Variants in DBNL observed in about 807,000 individuals in gnomAD.
The protein encoded by DBNL is drebrin-like protein.
A neutral mutation model predicts 62.2 loss-of-function variants in DBNL; 35 were observed. The observed-to-expected ratio is 0.56, with a 90% CI of 0.43 to 0.75. The LOEUF (loss-of-function observed/expected upper bound fraction) is 0.75, where lower values mean the gene tolerates loss of function less well. Ranked by LOEUF, DBNL falls within the 30% of genes least tolerant of loss-of-function variation. The pLI, the probability that DBNL is intolerant of heterozygous loss-of-function variation, is 0.00. For missense variants in DBNL, 495 were observed against 578.4 expected (o/e 0.86, Z 1.48); for synonymous variants, 197 against 218.0 (o/e 0.90, Z 0.85).
chr7:44,060,829 G>C lies in DBNL; in HGVS notation c.1206G>C (p.Glu402Asp). 1 of 1,614,124 alleles carries C rather than the reference G, an allele frequency of 6.2e-7. No individual in the cohort carries two copies. Among genetic ancestry groups the C allele is most frequent in the Non-Finnish European group, 8.5e-7 (1 of 1,180,010 alleles). ...FDPENLITGI[E>D]VIDEGWWRGY... ...CCGAGAACCTCATCACGGGCATCGA[G>C]GTGATCGACGAAGGCTGGTGGCGTG... Residue 402 changes from glutamate (E) to aspartate (D), a missense_variant, in exon 13 of 13, where the codon GAG becomes GAC. Coordinates refer to ENST00000448521, the MANE Select transcript of DBNL (RefSeq NM_001014436.3). This position sits in a 1 kb window ranked among gnomAD's most constrained non-coding sequence, Gnocchi z 6.3.
rs2096142620 is a variant in DBNL, at chr7:44,058,983, G to A, written c.835G>A (p.Gly279Ser). 6.2e-7 allele frequency: 1 copy of A among 1,613,818 alleles called. No homozygotes were observed. Among genetic ancestry groups the A allele is most frequent in the Admixed American group, 1.7e-5 (1 of 59,992 alleles). Reference sequence around the variant, plus strand: ...CACCTCCATCTCCAGTCCTCAGCCTGGTGAGCTCTCCCTTTGGGCCTGGCC... The same window carrying A: ...CACCTCCATCTCCAGTCCTCAGCCTAGTGAGCTCTCCCTTTGGGCCTGGCC... ...STTSISSPQP[G>S]KLRSPFLQKQ... Residue 279 changes from glycine (G) to serine (S), a missense_variant and splice_region_variant, in exon 9 of 13, where the codon GGC becomes AGC. Coordinates refer to ENST00000448521, the MANE Select transcript of DBNL (RefSeq NM_001014436.3).
chr7:44,057,827 G>A lies in DBNL; in HGVS notation c.520G>A (p.Val174Ile). 1.2e-6 allele frequency: 2 copies of A among 1,614,222 alleles called. No individual in the cohort carries two copies. The highest frequency in any genetic ancestry group is 1.7e-6 in the Non-Finnish European group (2 of 1,180,042). The change falls in exon 6 of 13, where the codon GTT becomes ATT. Residue 174 changes from valine to isoleucine, a missense_variant. Transcript: ENST00000448521. ...CAATGCCGTGTCTGAGATTAAAAGG[G>A]TTGGTAAAGACAGCTTCTGGGCCAA... Reference protein sequence around the residue: ...KTNAVSEIKRVGKDSFWAKAE... With the variant: ...KTNAVSEIKRIGKDSFWAKAE...
In DBNL at chr7:44,062,871, C is replaced by T; in HGVS notation, c.*1955C>T. 1 of 1,614,238 alleles carries T rather than the reference C, an allele frequency of 6.2e-7. No individual in the cohort carries two copies. The highest frequency in any genetic ancestry group is 1.1e-5 in the South Asian group (1 of 91,090). ...GTGGGCTTCAGCTCCTTGTTCAGCT[C>T]ATACACAATGGGGATCCCCGTGGGC... On this transcript the variant is annotated 3_prime_UTR_variant, in exon 13 of 13. Transcript: ENST00000448521.
In DBNL at chr7:44,065,161, C is replaced by A; in HGVS notation, c.*4245C>A. On this transcript the variant is annotated 3_prime_UTR_variant, in exon 13 of 13. Coordinates refer to ENST00000448521, the MANE Select transcript of DBNL (RefSeq NM_001014436.3). Reference sequence around the variant, plus strand: ...AGGGGTGCTTCTCGTCCATCGGGGGCGGCGGGATGTCGAAGGAGCGCCTCC... The same window carrying A: ...AGGGGTGCTTCTCGTCCATCGGGGGAGGCGGGATGTCGAAGGAGCGCCTCC... The A allele has an allele frequency of 1.9e-6, 3 of 1,614,066 alleles. No homozygotes were observed. Among genetic ancestry groups the A allele is most frequent in the South Asian group, 2.2e-5 (2 of 91,090 alleles).
rs1293268238 is a variant in DBNL, at chr7:44,068,759, T to C, written c.*7843T>C. ...CAAAGCATGGAGTCCATAAATTAGA[T>C]GATAGTTTGGAAAAAGATATAAACT... On this transcript the variant is annotated 3_prime_UTR_variant, in exon 13 of 13. Transcript: ENST00000448521. The C allele has an allele frequency of 6.6e-6, 1 of 152,192 alleles. No homozygotes were observed. The highest frequency in any genetic ancestry group is 1.9e-4 in the East Asian group (1 of 5,202). The allele number at this position is 152,192 out of a possible 1,614,324, so 9.4% of individuals were successfully genotyped here.
chr7:44,059,054 C>T lies in DBNL; in HGVS notation c.835+71C>T, dbSNP rs1467085190. 1 of 1,527,514 alleles carries T rather than the reference C, an allele frequency of 6.5e-7. No individual in the cohort carries two copies. The highest frequency in any genetic ancestry group is 1.7e-5 in the Admixed American group (1 of 58,280). 94.6% of individuals were successfully genotyped at this position (1,527,514 alleles called of 1,614,324 possible). ...GGGGGAGCCTGGGGTCCTATGTGGG[C>T]TCCCCCAAGGCTAGTGACAGATATA... is the stretch of plus-strand genomic sequence containing the variant. On this transcript the variant is annotated intron_variant, in intron 9 of 12. Transcript: ENST00000448521. The surrounding 1 kb of genome is among the most constrained non-coding windows in gnomAD (Gnocchi z 4.1).
chr7:44,052,962 C>T, intron 4 of DBNL, 21 bp downstream of exon 4: 1 of 1,607,940 alleles, frequency 6.2e-7, no homozygotes, highest in Non-Finnish European at 8.5e-7. Flanking sequence ...GTGAGGCCCG[C>T]TTCACTGGGA....
intron 8 of DBNL, 41 bp downstream of exon 8, chr7:44,058,521 C>G: frequency 6.2e-7 from 1 of 1,610,208 alleles, no homozygotes; most frequent in Middle Eastern, 1.7e-4. Context: ...CTGTCCTGGC[C>G]ACACGCAGAA....
Position 44,052,918 on chromosome 7 carries a change from A to G in DBNL, c.304A>G (p.Ser102Gly). 2 of 1,613,736 alleles carry G rather than the reference A, an allele frequency of 1.2e-6. No individual in the cohort carries two copies. The highest frequency in any genetic ancestry group is 2.7e-5 in the African/African-American group (2 of 75,070). Reference protein sequence around the residue: ...VRKGACASHVSTMASFLKGAH... With the variant: ...VRKGACASHVGTMASFLKGAH... ...GAAGGGAGCCTGTGCCAGCCACGTC[A>G]GCACCATGGCCAGCTTCCTGAAGGT... Residue 102 changes from serine (S) to glycine (G), a missense_variant, in exon 4 of 13, where the codon AGC becomes GGC. Physicochemically the swap from Ser to Gly is moderately conservative, Grantham distance 56. Coordinates refer to ENST00000448521, the MANE Select transcript of DBNL (RefSeq NM_001014436.3).
intron 4 of DBNL, among the ~76,000 whole-genome samples, chr7:44,056,013 C>T (rs1333053520): frequency 6.6e-6 from 1 of 152,082 alleles, no homozygotes; most frequent in Non-Finnish European, 1.5e-5. Context: ...GGGCATCTAC[C>T]CAGTGTTTTC....
chr7:44,059,677 G>A lies in DBNL; in HGVS notation c.1047+19G>A, dbSNP rs367701817. On this transcript the variant is annotated intron_variant, in intron 11 of 12. Transcript: ENST00000448521. The surrounding 1 kb of genome is among the most constrained non-coding windows in gnomAD (Gnocchi z 4.1). ...CCCACTGGTGGGTTCCTACACTGGGGCTGGGGCCAGGAAGGGGCTGCATAC... is the reference window on the plus strand; with the variant it reads ...CCCACTGGTGGGTTCCTACACTGGGACTGGGGCCAGGAAGGGGCTGCATAC... The A allele has an allele frequency of 1.3e-6, 2 of 1,581,204 alleles. No individual in the cohort carries two copies. Among genetic ancestry groups the A allele is most frequent in the Non-Finnish European group, 1.7e-6 (2 of 1,169,420 alleles).
intron 8 of DBNL, 75 bp downstream of exon 8, chr7:44,058,555 C>T: frequency 6.4e-7 from 1 of 1,566,198 alleles, no homozygotes; most frequent in Non-Finnish European, 8.7e-7. Context: ...GATTGAGGGC[C>T]CAGCCCAGAC....
rs529509196 is a variant in DBNL, at chr7:44,060,751, T to C, written c.1154-26T>C. ...GGGATGTGGGAGGGAGCCCCTGATA[T>C]GCATCTGGGCTCATCCTCTTTGCAG... is the stretch of plus-strand genomic sequence containing the variant. On this transcript the variant is annotated intron_variant, in intron 12 of 12. Transcript: ENST00000448521. This position sits in a 1 kb window ranked among gnomAD's most constrained non-coding sequence, Gnocchi z 6.3. 14 of 1,605,920 alleles carry C rather than the reference T, an allele frequency of 8.7e-6. No homozygotes were observed. Among genetic ancestry groups the C allele is most frequent in the Middle Eastern group, 3.5e-4 (2 of 5,726 alleles).
At position 44,050,151 on chromosome 7, in the gene DBNL, A is replaced by G. The variant is rs1437437455; in HGVS notation, c.84-74A>G. 7 of 1,534,980 alleles carry G rather than the reference A, an allele frequency of 4.6e-6. No individual in the cohort carries two copies. In the East Asian group the frequency reaches 1.4e-4, roughly 30 times the overall value. On this transcript the variant is annotated intron_variant, in intron 1 of 12. Transcript: ENST00000448521. ...CCAAGCTCTTTGGGATGTAGTGGAA[A>G]GTCATGGTGGATACGGTGAGGAGAG...
intron 1 of DBNL, among the ~76,000 whole-genome samples, chr7:44,047,835 G>T (rs1191322751): frequency 1.3e-5 from 2 of 152,136 alleles, no homozygotes; most frequent in Admixed American, 1.3e-4. Flanking sequence ...GGTGGCCTGG[G>T]GTAGAGAGGG....
In DBNL at chr7:44,044,765, C is replaced by G; in HGVS notation, c.28C>G (p.Pro10Ala). Residue 10 changes from proline to alanine, a missense_variant, in exon 1 of 13, where the codon CCA becomes GCA. Pro to Ala is a conservative substitution (Grantham distance 27). Transcript: ENST00000448521. MAANLSRNGPALQEAYVRVV... is the reference protein window; with the variant it reads MAANLSRNGAALQEAYVRVV... ...GGCGGCGAACCTGAGCCGGAACGGG[C>G]CAGCGCTGCAAGAGGCCTACGTGCG... is the stretch of plus-strand genomic sequence containing the variant. 1 of 1,507,966 alleles carries G rather than the reference C, an allele frequency of 6.6e-7. No individual in the cohort carries two copies. Among genetic ancestry groups the G allele is most frequent in the Non-Finnish European group, 8.9e-7 (1 of 1,129,376 alleles). 93.4% of individuals were successfully genotyped at this position (1,507,966 alleles called of 1,614,324 possible). A position where few individuals can be genotyped will look rare whatever the true frequency, so the allele number is the denominator to read the frequency against.
In DBNL at chr7:44,060,844, C is replaced by G. The variant is rs533905473; in HGVS notation, c.1221C>G (p.Gly407=). 1.9e-5 allele frequency: 31 copies of G among 1,614,156 alleles called. No individual in the cohort carries two copies. In the South Asian group the frequency reaches 3.3e-4, roughly 17 times the overall value. Reference sequence around the variant, plus strand: ...CGGGCATCGAGGTGATCGACGAAGGCTGGTGGCGTGGCTATGGGCCGGATG... The same window carrying G: ...CGGGCATCGAGGTGATCGACGAAGGGTGGTGGCGTGGCTATGGGCCGGATG... ...LITGIEVIDE[G]WWRGYGPDGH... Residue 407 remains glycine, a synonymous_variant, in exon 13 of 13, where the codon GGC becomes GGG. Transcript: ENST00000448521. This position sits in a 1 kb window ranked among gnomAD's most constrained non-coding sequence, Gnocchi z 6.3.
chr7:44,055,987 C>T (rs754185076), intron 4 of DBNL, among the ~76,000 whole-genome samples: 5 of 152,076 alleles, frequency 3.3e-5, no homozygotes, highest in Non-Finnish European at 7.3e-5. Context: ...AAATCTTTGC[C>T]CAGATCAATG....
Position 44,052,879 on chromosome 7 carries a change from G to A in DBNL, c.265G>A (p.Val89Met), listed in dbSNP as rs765831487. 3.1e-6 allele frequency: 5 copies of A among 1,613,872 alleles called. No individual in the cohort carries two copies. The highest frequency in any genetic ancestry group is 2.2e-5 in the East Asian group (1 of 44,876). The stretch of plus-strand genomic sequence containing the variant: ...CCTTGTGTTGCAGACAGGCGAGGGC[G>A]TGAACGATGTGCGGAAGGGAGCCTG... ...FVLINWTGEG[V>M]NDVRKGACAS... The change falls in exon 4 of 13, where the codon GTG becomes ATG. Residue 89 changes from valine (V) to methionine (M), a missense_variant. By Grantham distance (21) the Val-to-Met change is conservative (BLOSUM62 1). Transcript: ENST00000448521.
Sources: gnomAD v4.1 joint callset for allele counts (sites outside exome capture counted in the v4.1 genomes callset) on GRCh38, gnomAD v4.1.1 for gene constraint, Gnocchi (gnomAD v3.1) non-coding constraint, MANE v1.5 for transcripts, NCBI Gene and HGNC (gene_info 2026-07-23, HGNC 2026-07-21) for gene names.